Variants in SLA2 observed in about 807,000 individuals in gnomAD.
SLA2 encodes the protein Src like adaptor 2, also known as src-like-adapter 2.
Under a neutral mutation model 27.3 loss-of-function variants are expected in SLA2, and 22 were observed. That is an observed-to-expected ratio of 0.81 (90% CI 0.58 to 1.15). The LOEUF (loss-of-function observed/expected upper bound fraction) is 1.15, where lower values mean the gene tolerates loss of function less well. Ranked by LOEUF, SLA2 falls within the 50% of genes most tolerant of loss-of-function variation. The pLI, the probability that SLA2 is intolerant of heterozygous loss-of-function variation, is 0.00. For synonymous variants in SLA2, 131 were observed against 137.8 expected, an observed-to-expected ratio of 0.95 and a Z score of 0.34; for missense variants, 304 against 322.2, an observed-to-expected ratio of 0.94 and a Z score of 0.43.
intron 2 of SLA2, among the ~76,000 whole-genome samples, chr20:36,637,910 A>T (rs2039469142): frequency 9.2e-6 from 1 of 109,092 alleles, no homozygotes; most frequent in African/African-American, 3.8e-5. Flanking sequence ...TTTTTTTGAG[A>T]CAGAGTCTCA....
intron 5 of SLA2, among the ~76,000 whole-genome samples, chr20:36,622,996 C>T (rs753824050): frequency 2.6e-5 from 4 of 152,106 alleles, no homozygotes; most frequent in Non-Finnish European, 5.9e-5. Context: ...AGGCTAGGTG[C>T]GGTGGCTCAT....
chr20:36,642,024 C>T (rs373502258), intron 1 of SLA2, among the ~76,000 whole-genome samples: 289 of 147,408 alleles, frequency 2.0e-3, no homozygotes, highest in East Asian at 0.014. Context: ...ATTAGCTGGG[C>T]GTGGTGGTGT....
In SLA2 at chr20:36,612,822, C is replaced by G. The variant is rs544579547; in HGVS notation, c.*1044G>C. The stretch of plus-strand genomic sequence containing the variant: ...CCTGCCCAGCACTGAGGTGCCTGGC[C>G]TCACTGCAGTGTGCTAGACTTAAGA... On this transcript the variant is annotated 3_prime_UTR_variant, in exon 8 of 8. Coordinates refer to ENST00000262866, the MANE Select transcript of SLA2 (RefSeq NM_032214.4). The G allele has an allele frequency of 1.2e-5, 2 of 164,692 alleles. No homozygotes were observed. The highest frequency in any genetic ancestry group is 1.1e-4 in the Admixed American group (2 of 18,076). The allele number at this position is 164,692 out of a possible 1,614,324, so 10.2% of individuals were successfully genotyped here.
At chr20:36,615,912 G>GT (rs1327126469) in intron 5 of SLA2, among the ~76,000 whole-genome samples, 1 of 152,192 alleles carries the variant, frequency 6.6e-6, no homozygotes, top group Non-Finnish European at 1.5e-5. Flanking sequence ...CAAACAGCCC[G>GT]TTTGTGCTCA....
At chr20:36,642,823 G>A (rs890696116) in intron 1 of SLA2, among the ~76,000 whole-genome samples, 9 of 152,086 alleles carry the variant, frequency 5.9e-5, no homozygotes, top group Non-Finnish European at 1.3e-4. Flanking sequence ...GACCTCAGGC[G>A]ATCCGCCCTC....
chr20:36,613,831 C>T lies in SLA2; in HGVS notation c.*35G>A. 1 of 1,342,758 alleles carries T rather than the reference C, an allele frequency of 7.4e-7. No individual in the cohort carries two copies. The highest frequency in any genetic ancestry group is 1.2e-5 in the South Asian group (1 of 86,282). The allele number at this position is 1,342,758 out of a possible 1,614,324, so 83.2% of individuals were successfully genotyped here. On this transcript the variant is annotated 3_prime_UTR_variant, in exon 8 of 8. Transcript: ENST00000262866. ...AGGCTGAATTGGGGTTCTAGGTGTG[C>T]AGCCTTGGTTTCCCTTTTGGCCTCT...
At position 36,639,263 on chromosome 20, in the gene SLA2, G is replaced by A. The variant is rs1289860019; in HGVS notation, c.91+1982C>T. Among the ~76,000 whole-genome samples, 5 of 152,116 alleles carry A rather than the reference G, an allele frequency of 3.3e-5. No homozygotes were observed. The East Asian group carries it at 9.6e-4, about 29-fold the overall frequency. ...CAAGACTGACGTCCTTTGAGGAAGAGGGAATTCTGCCTCCAGACTGTGGTC... is the reference window on the plus strand; with the variant it reads ...CAAGACTGACGTCCTTTGAGGAAGAAGGAATTCTGCCTCCAGACTGTGGTC... On this transcript the variant is annotated intron_variant, in intron 2 of 7. Transcript: ENST00000262866.
rs1018416511 is a variant in SLA2, at chr20:36,615,474, G to T, written c.383-100C>A. The T allele has an allele frequency of 2.2e-6, 3 of 1,384,194 alleles. No individual in the cohort carries two copies. The South Asian group carries it at 3.7e-5, about 17-fold the overall frequency. The allele number at this position is 1,384,194 out of a possible 1,614,324, so 85.7% of individuals were successfully genotyped here. On this transcript the variant is annotated intron_variant, in intron 5 of 7. Transcript: ENST00000262866. The stretch of plus-strand genomic sequence containing the variant: ...ATAGGCAACGTGACCATGGGGCCCC[G>T]GCAGAAGGGAAGTGTCTGGGGCAGA...
chr20:36,621,373 G>A (rs1274007637), intron 5 of SLA2: 1 of 597,294 alleles, frequency 1.7e-6, no homozygotes, highest in Non-Finnish European at 3.2e-6. Context: ...CTATGGTGGT[G>A]CTTATGGATG....
chr20:36,619,399 G>A (rs1415989309), intron 5 of SLA2, among the ~76,000 whole-genome samples: 2 of 150,600 alleles, frequency 1.3e-5, no homozygotes, highest in Admixed American at 6.6e-5. Flanking sequence ...GGTGGCACAC[G>A]CCTGTAATCC....
chr20:36,641,444 C>T, intron 1 of SLA2, 66 bp from the exon 2 acceptor site: 1 of 902,192 alleles, frequency 1.1e-6, no homozygotes, highest in South Asian at 1.5e-5. Flanking sequence ...ACCTCTCCCT[C>T]CCCAGATCGG....
chr20:36,634,019 T>C (rs2147992085), intron 3 of SLA2, among the ~76,000 whole-genome samples: 1 of 151,962 alleles, frequency 6.6e-6, no homozygotes, highest in African/African-American at 2.4e-5. Flanking sequence ...GACAGAGTTT[T>C]GCTCGTCGCC....
At chr20:36,626,822 G>A (rs982582011) in intron 5 of SLA2, among the ~76,000 whole-genome samples, 2 of 148,880 alleles carry the variant, frequency 1.3e-5, no homozygotes, top group Admixed American at 1.4e-4. Context: ...TCCAGCCTGG[G>A]CGACAGCAAG....
intron 2 of SLA2, among the ~76,000 whole-genome samples, chr20:36,636,688 C>T (rs1479869997): frequency 6.8e-6 from 1 of 147,954 alleles, no homozygotes; most frequent in East Asian, 2.0e-4. Flanking sequence ...TGGCTCACGC[C>T]TGTAATCCCA....
rs144681177 is a variant in SLA2 at position 36,640,310 on chromosome 20, A to G, written c.91+935T>C. ...CAAAACCATGTATTAAAAAATATAT[A>G]TATACCACAAAAATAAAAAGACAGC... On this transcript the variant is annotated intron_variant, in intron 2 of 7. Coordinates refer to ENST00000262866, the MANE Select transcript of SLA2 (RefSeq NM_032214.4). Among the ~76,000 whole-genome samples, 1,019 of 152,172 alleles carry G rather than the reference A, an allele frequency of 6.7e-3. 12 individuals are homozygous for G. The highest frequency in any genetic ancestry group is 0.024 in the African/African-American group (976 of 41,522).
Position 36,613,929 on chromosome 20 carries a change from G to C in SLA2, c.723C>G (p.Leu241=), listed in dbSNP as rs745676835. ...TGEESLLSEG[L]RESLSFYISL... is the part of the protein sequence containing the mutation. ...TGATGTAGAAGCTGAGGGACTCCCG[G>C]AGACCCTCACTGAGAAGAGACTCCT... The change falls in exon 8 of 8, where the codon CTC becomes CTG. Residue 241 remains leucine (L), a synonymous_variant. Transcript: ENST00000262866. The C allele has an allele frequency of 6.2e-7, 1 of 1,614,088 alleles. No individual in the cohort carries two copies. Among genetic ancestry groups the C allele is most frequent in the Admixed American group, 1.7e-5 (1 of 59,996 alleles).
intron 5 of SLA2, among the ~76,000 whole-genome samples, chr20:36,625,728 G>A (rs1364712528): frequency 6.6e-6 from 1 of 151,644 alleles, no homozygotes; most frequent in African/African-American, 2.4e-5. Flanking sequence ...TCAAGAAGCT[G>A]AGGTGGGAGG....
chr20:36,634,642 T>G (rs1600829442), intron 2 of SLA2, 53 bp from the exon 3 acceptor site: 3 of 1,229,570 alleles, frequency 2.4e-6, no homozygotes, highest in East Asian at 5.0e-5. Context: ...GCTCCACGCA[T>G]GAGGTCTAGT....
chr20:36,644,868 G>GTTTTTT (rs3066378), intron 1 of SLA2, among the ~76,000 whole-genome samples: 1 of 80,674 alleles, frequency 1.2e-5, no homozygotes, highest in Admixed American at 1.5e-4. Context: ...AGAATATTGT[G>GTTTTTT]TTTTTTTTTT....
Sources: allele counts gnomAD v4.1 joint callset (sites outside exome capture counted in the v4.1 genomes callset), GRCh38; gene constraint gnomAD v4.1.1; transcripts MANE v1.5; gene names NCBI Gene and HGNC (gene_info 2026-07-23, HGNC 2026-07-21).